The following PPP2R5E variants were observed in gnomAD, a reference collection of about 807,000 sequenced individuals.
PPP2R5E encodes the protein protein phosphatase 2 regulatory subunit B'epsilon.
A neutral mutation model predicts 65.3 loss-of-function variants in PPP2R5E; 4 were observed. The ratio of observed to expected loss-of-function variants is 0.06; its 90% CI spans 0.03 to 0.14. PPP2R5E has a LOEUF of 0.14. Among genes scored for constraint, PPP2R5E ranks in the 10% least tolerant of loss-of-function variants. The pLI is 1.00. For synonymous variants in PPP2R5E, 183 were observed against 187.4 expected (o/e 0.98, Z 0.19); for missense variants, 274 against 556.1 (o/e 0.49, Z 5.10).
chr14:63,511,905 C>T (rs965458299), intron 2 of PPP2R5E, among the ~76,000 whole-genome samples: 2 of 151,666 alleles, frequency 1.3e-5, no homozygotes, highest in Non-Finnish European at 1.5e-5. Flanking sequence ...ATGGTGAAAC[C>T]CCATCTCTAC....
intron 2 of PPP2R5E, among the ~76,000 whole-genome samples, chr14:63,486,295 C>G (rs1261879906): frequency 8.1e-6 from 1 of 123,820 alleles, no homozygotes; most frequent in Non-Finnish European, 1.8e-5. Context: ...TTCCCCATTA[C>G]ACACACACAC....
intron 2 of PPP2R5E, among the ~76,000 whole-genome samples, chr14:63,484,185 G>C (rs1890859337): frequency 6.6e-6 from 1 of 152,052 alleles, no homozygotes; most frequent in South Asian, 2.1e-4. Context: ...CTAAAGGCAG[G>C]AAACCTGTGA....
chr14:63,527,051 C>A (rs2139745598), intron 2 of PPP2R5E, among the ~76,000 whole-genome samples: 1 of 152,324 alleles, frequency 6.6e-6, no homozygotes, highest in South Asian at 2.1e-4. Flanking sequence ...TGCCTGTAAT[C>A]CCAGCTACTC....
At chr14:63,409,128 G>A (rs1886250928) in intron 5 of PPP2R5E, among the ~76,000 whole-genome samples, 1 of 152,180 alleles carries the variant, frequency 6.6e-6, no homozygotes, top group South Asian at 2.1e-4. Flanking sequence ...AGCTACTCAG[G>A]AGGCCGAGGC....
chr14:63,531,156 G>A (rs1419916202), intron 2 of PPP2R5E, among the ~76,000 whole-genome samples: 3 of 152,146 alleles, frequency 2.0e-5, no homozygotes, highest in East Asian at 1.9e-4. Context: ...CAACAAGAGC[G>A]AAACTCCCAT....
chr14:63,441,378 C>A (rs1238509080), intron 3 of PPP2R5E, among the ~76,000 whole-genome samples: 4 of 152,226 alleles, frequency 2.6e-5, no homozygotes, highest in Non-Finnish European at 5.9e-5. Flanking sequence ...AGCCTTCCCA[C>A]AGAGAAACTC....
At chr14:63,518,392 T>A (rs550831615) in intron 2 of PPP2R5E, among the ~76,000 whole-genome samples, 1 of 151,686 alleles carries the variant, frequency 6.6e-6, no homozygotes, top group East Asian at 1.9e-4. Flanking sequence ...CAGGTATACA[T>A]CACCATGCCA....
chr14:63,489,750 T>C (rs531298099), intron 2 of PPP2R5E, among the ~76,000 whole-genome samples: 1 of 152,164 alleles, frequency 6.6e-6, no homozygotes, highest in East Asian at 1.9e-4. Context: ...AGCTTCCTGA[T>C]GACACCAAGA....
intron 3 of PPP2R5E, among the ~76,000 whole-genome samples, chr14:63,448,107 C>T (rs980928660): frequency 6.6e-6 from 1 of 151,978 alleles, no homozygotes; most frequent in African/African-American, 2.4e-5. Context: ...ACCATCCTGG[C>T]TAACATGGTG....
intron 13 of PPP2R5E, among the ~76,000 whole-genome samples, chr14:63,381,338 G>A (rs184437215): frequency 1.4e-4 from 21 of 152,072 alleles, no homozygotes; most frequent in African/African-American, 5.1e-4. Flanking sequence ...CTAGATAAAT[G>A]GTGCCTCATT....
intron 2 of PPP2R5E, among the ~76,000 whole-genome samples, chr14:63,519,186 G>A (rs184848001): frequency 7.5e-4 from 114 of 152,054 alleles, no homozygotes; most frequent in African/African-American, 2.6e-3. Flanking sequence ...TGCACTCCAG[G>A]CTGGGCAACA....
intron 5 of PPP2R5E, among the ~76,000 whole-genome samples, chr14:63,401,057 C>T (rs1330518125): frequency 6.6e-5 from 10 of 152,032 alleles, no homozygotes; most frequent in African/African-American, 2.2e-4. Flanking sequence ...AATGCATTGC[C>T]GAGTGCCTAA....
Position 63,375,919 on chromosome 14 carries a change from A to G in PPP2R5E, c.*90T>C, listed in dbSNP as rs1883958408. ...TGAAACAAAGGTGAAATCTACTGTA[A>G]AGTTGCACAATACAGAAAACTGTTG... On this transcript the variant is annotated 3_prime_UTR_variant, in exon 14 of 14. Coordinates refer to ENST00000337537, the MANE Select transcript of PPP2R5E (RefSeq NM_006246.5). The G allele has an allele frequency of 1.1e-6, 1 of 885,566 alleles. No individual in the cohort carries two copies. The highest frequency in any genetic ancestry group is 1.7e-5 in the African/African-American group (1 of 59,700). 54.9% of individuals were successfully genotyped at this position (885,566 alleles called of 1,614,324 possible).
intron 11 of PPP2R5E, among the ~76,000 whole-genome samples, chr14:63,385,447 A>G (rs186866871): frequency 1.3e-5 from 2 of 152,230 alleles, no homozygotes; most frequent in Non-Finnish European, 2.9e-5. Context: ...CTGATTCCAC[A>G]CTTTCCTGAC....
intron 5 of PPP2R5E, among the ~76,000 whole-genome samples, chr14:63,413,562 G>A (rs1279583702): frequency 3.3e-5 from 5 of 152,048 alleles, no homozygotes; most frequent in African/African-American, 9.7e-5. Context: ...GGGTGAGGGA[G>A]GGCATAAAAA....
chr14:63,398,583 G>A (rs10131665), intron 5 of PPP2R5E, among the ~76,000 whole-genome samples: 19,271 of 152,004 alleles, frequency 0.13, 4,057 homozygotes, highest in African/African-American at 0.44. Flanking sequence ...CGAGGTCAGG[G>A]GTTTGAGATC....
chr14:63,499,204 C>A (rs903658003), intron 2 of PPP2R5E, among the ~76,000 whole-genome samples: 1 of 152,140 alleles, frequency 6.6e-6, no homozygotes, highest in Non-Finnish European at 1.5e-5. Context: ...ACCAGAGTAT[C>A]TGTAACTAAA....
chr14:63,529,062 T>G (rs1264346237), intron 2 of PPP2R5E, among the ~76,000 whole-genome samples: 2 of 152,126 alleles, frequency 1.3e-5, no homozygotes, highest in Non-Finnish European at 2.9e-5. Flanking sequence ...GAGCAAGCAA[T>G]CCTCCTTCCT....
At chr14:63,394,070 CTTTTTTTTTTTTTTTT>C in intron 7 of PPP2R5E, 142 bp from the exon 8 acceptor site, 1 of 179,400 alleles carries the variant, frequency 5.6e-6, no homozygotes, top group South Asian at 8.5e-5. Context: ...TCAGAATTTC[CTTTTTTTTTTTTTTTT>C]TTTTTTTTTT....
Sources: allele counts gnomAD v4.1 joint callset (sites outside exome capture counted in the v4.1 genomes callset), GRCh38; gene constraint gnomAD v4.1.1; transcripts MANE v1.5; gene names NCBI Gene and HGNC (gene_info 2026-07-23, HGNC 2026-07-21).